The following SMAP1 variants were observed in gnomAD, a reference collection of about 807,000 sequenced individuals.
SMAP1 encodes small ArfGAP 1.
Under a neutral mutation model 58.5 loss-of-function variants are expected in SMAP1, and 24 were observed. The observed-to-expected ratio is 0.41, with a 90% CI of 0.30 to 0.58. The LOEUF (loss-of-function observed/expected upper bound fraction) is 0.58, where lower values mean the gene tolerates loss of function less well. SMAP1 is among the 20% of genes least tolerant of loss of function. The pLI, the probability that SMAP1 is intolerant of heterozygous loss-of-function variation, is 0.29. For synonymous variants in SMAP1, 216 were observed against 196.6 expected, an observed-to-expected ratio of 1.10 and a Z score of -0.82; for missense variants, 563 against 566.3, an observed-to-expected ratio of 0.99 and a Z score of 0.06.
intron 1 of SMAP1, chr6:70,668,438 G>C (rs1420679696): frequency 7.8e-7 from 1 of 1,289,430 alleles, no homozygotes; most frequent in South Asian, 1.6e-5. Flanking sequence ...CACAGGGCTG[G>C]GGGTAGGAGC....
At chr6:70,669,875 GTACTT>G (rs1157789856) in intron 1 of SMAP1, among the ~76,000 whole-genome samples, 1 of 151,642 alleles carries the variant, frequency 6.6e-6, no homozygotes, top group African/African-American at 2.4e-5. Context: ...CTCCAAAAAA[GTACTT>G]TATAAAATCA....
chr6:70,795,988 C>T (rs536951594), intron 5 of SMAP1, among the ~76,000 whole-genome samples: 2 of 152,022 alleles, frequency 1.3e-5, no homozygotes, highest in African/African-American at 2.4e-5. Flanking sequence ...CTCGGCCTCC[C>T]GAAGTGCTGG....
At chr6:70,677,829 A>G (rs1233069882) in intron 1 of SMAP1, among the ~76,000 whole-genome samples, 1 of 152,166 alleles carries the variant, frequency 6.6e-6, no homozygotes, top group Non-Finnish European at 1.5e-5. Context: ...CACAACTCAT[A>G]CAACTCTTCC....
intron 1 of SMAP1, among the ~76,000 whole-genome samples, chr6:70,725,091 G>GTTTTTT (rs1562116511): frequency 2.5e-5 from 2 of 80,506 alleles, no homozygotes; most frequent in Non-Finnish European, 4.9e-5. Flanking sequence ...AAATTAACCA[G>GTTTTTT]TGTTTTTTTT....
At chr6:70,758,421 G>A (rs1283644032) in intron 3 of SMAP1, among the ~76,000 whole-genome samples, 1 of 149,864 alleles carries the variant, frequency 6.7e-6, no homozygotes, top group Non-Finnish European at 1.5e-5. Context: ...CCTAATGCTA[G>A]ATGACGAGTT....
At chr6:70,839,307 T>C (rs987682902) in intron 7 of SMAP1, among the ~76,000 whole-genome samples, 1 of 152,218 alleles carries the variant, frequency 6.6e-6, no homozygotes, top group Non-Finnish European at 1.5e-5. Flanking sequence ...CCTTATCTTC[T>C]ACCACCTTGT....
At chr6:70,845,140 A>G (rs1770941346) in intron 7 of SMAP1, among the ~76,000 whole-genome samples, 1 of 152,256 alleles carries the variant, frequency 6.6e-6, no homozygotes, top group Non-Finnish European at 1.5e-5. Context: ...GCCTTAAACT[A>G]GATTAGTAAT....
At chr6:70,796,706 G>C (rs553420060) in intron 5 of SMAP1, among the ~76,000 whole-genome samples, 1 of 152,252 alleles carries the variant, frequency 6.6e-6, no homozygotes, top group African/African-American at 2.4e-5. Context: ...ATGGTCTTCT[G>C]TCTGTGCTAG....
At chr6:70,707,620 T>A (rs1293588371) in intron 1 of SMAP1, among the ~76,000 whole-genome samples, 1 of 152,142 alleles carries the variant, frequency 6.6e-6, no homozygotes, top group Non-Finnish European at 1.5e-5. Flanking sequence ...TTATATTTAT[T>A]TTTGAGACAG....
intron 1 of SMAP1, among the ~76,000 whole-genome samples, chr6:70,707,745 A>G (rs1767895861): frequency 6.6e-6 from 1 of 152,184 alleles, no homozygotes; most frequent in Admixed American, 6.5e-5. Flanking sequence ...AGCTGGGACT[A>G]CAGGCGCATG....
At chr6:70,771,685 C>T (rs1479001019) in intron 3 of SMAP1, among the ~76,000 whole-genome samples, 1 of 152,122 alleles carries the variant, frequency 6.6e-6, no homozygotes, top group African/African-American at 2.4e-5. Context: ...AAGGGAACTC[C>T]CTGTCCCTTT....
chr6:70,668,785 G>A (rs1205376399), intron 1 of SMAP1: 5 of 1,501,726 alleles, frequency 3.3e-6, no homozygotes, highest in Non-Finnish European at 4.5e-6. Context: ...TTGTTTTTTA[G>A]TCTGGTTATT....
chr6:70,850,879 C>T lies in SMAP1; in HGVS notation c.665-1661C>T, dbSNP rs182625452. On this transcript the variant is annotated intron_variant, in intron 7 of 10. Transcript: ENST00000370455. ...TGGAATGAACTGGAAAACAAAGTAG[C>T]GCTTTAAGGAGGTCTAACTTTAAAG... Among the ~76,000 whole-genome samples, 107 of 151,996 alleles carry T rather than the reference C, an allele frequency of 7.0e-4. 2 individuals carry two copies. The highest frequency in any genetic ancestry group is 5.6e-3 in the East Asian group (29 of 5,172).
At chr6:70,681,113 TA>T (rs113158590) in intron 1 of SMAP1, among the ~76,000 whole-genome samples, 45 of 147,710 alleles carry the variant, frequency 3.0e-4, no homozygotes, top group South Asian at 8.6e-4. Context: ...GGAGTTTATT[TA>T]AAAAAAAAAA....
Position 70,749,141 on chromosome 6 carries a change from C to T in SMAP1, c.253-5839C>T, listed in dbSNP as rs149790736. Among the ~76,000 whole-genome samples the T allele has an allele frequency of 9.7e-4, 147 of 152,080 alleles. 1 individual carries two copies. The highest frequency in any genetic ancestry group is 7.9e-3 in the South Asian group (38 of 4,808). On this transcript the variant is annotated intron_variant, in intron 2 of 10. Coordinates refer to ENST00000370455, the MANE Select transcript of SMAP1 (RefSeq NM_001044305.3). ...GGAAACTTATAATTATGGCGGAAGGCGAGGGGAAAGCAAGGCACATCTTAT... is the reference window on the plus strand; with the variant it reads ...GGAAACTTATAATTATGGCGGAAGGTGAGGGGAAAGCAAGGCACATCTTAT...
intron 4 of SMAP1, among the ~76,000 whole-genome samples, chr6:70,790,404 G>A (rs1341727180): frequency 1.3e-5 from 2 of 152,088 alleles, no homozygotes; most frequent in African/African-American, 4.8e-5. Flanking sequence ...CTCCCAAAGT[G>A]CTTTATTCTT....
chr6:70,714,502 TTA>T (rs1768183266), intron 1 of SMAP1, among the ~76,000 whole-genome samples: 1 of 152,140 alleles, frequency 6.6e-6, no homozygotes, highest in Non-Finnish European at 1.5e-5. Context: ...TACCCTCAAA[TTA>T]TATGTTATTG....
At chr6:70,706,432 A>G (rs1269883100) in intron 1 of SMAP1, among the ~76,000 whole-genome samples, 1 of 151,984 alleles carries the variant, frequency 6.6e-6, no homozygotes, top group Admixed American at 6.6e-5. Context: ...GTCTTTTTTC[A>G]TGGTTTCATA....
At chr6:70,769,777 G>T (rs199936082) in intron 3 of SMAP1, among the ~76,000 whole-genome samples, 359 of 152,100 alleles carry the variant, frequency 2.4e-3, no homozygotes, top group East Asian at 8.3e-3. Context: ...TGTTATGTGT[G>T]AATTTGATCC....
Sources: allele counts gnomAD v4.1 joint callset (sites outside exome capture counted in the v4.1 genomes callset), GRCh38; gene constraint gnomAD v4.1.1; transcripts MANE v1.5; gene names NCBI Gene and HGNC (gene_info 2026-07-23, HGNC 2026-07-21).